Variants in STPG2 observed in about 807,000 individuals in gnomAD.
STPG2 encodes the protein sperm-tail PG-rich repeat-containing protein 2.
A neutral mutation model predicts 54.2 loss-of-function variants in STPG2; 56 were observed. The observed-to-expected ratio is 1.03, with a 90% CI of 0.83 to 1.29. The LOEUF is 1.29. STPG2 is among the 50% of genes most tolerant of loss of function. The pLI, the probability that STPG2 is intolerant of heterozygous loss-of-function variation, is 0.00. For missense variants in STPG2, 596 were observed against 544.9 expected, an observed-to-expected ratio of 1.09 and a Z score of -0.93; for synonymous variants, 200 against 181.8, an observed-to-expected ratio of 1.10 and a Z score of -0.81.
chr4:97,934,621 A>G (rs773424992), intron 8 of STPG2, among the ~76,000 whole-genome samples: 3 of 152,034 alleles, frequency 2.0e-5, no homozygotes, highest in Non-Finnish European at 4.4e-5. Context: ...AAATAATAAT[A>G]TAGTTTTTTC....
At chr4:97,822,723 G>C (rs372163466) in intron 9 of STPG2, among the ~76,000 whole-genome samples, 3 of 152,218 alleles carry the variant, frequency 2.0e-5, no homozygotes, top group South Asian at 2.1e-4. Context: ...GAGCAAGTAG[G>C]GGGTAAGGGT....
chr4:97,607,211 C>CTGCTACAGAATCCAA (rs1381440847), intron 10 of STPG2, among the ~76,000 whole-genome samples: 2 of 151,992 alleles, frequency 1.3e-5, no homozygotes, highest in African/African-American at 4.8e-5. Flanking sequence ...GCTGCTGCTG[C>CTGCTACAGAATCCAA]TGCTACAGAA....
At chr4:97,506,593 A>G (rs997032981) in intron 4 of STPG2, among the ~76,000 whole-genome samples, 1 of 152,034 alleles carries the variant, frequency 6.6e-6, no homozygotes, top group Non-Finnish European at 1.5e-5. Context: ...AATGACTATA[A>G]TAAATAATGA....
chr4:97,621,486 C>T (rs1191400317), intron 10 of STPG2, among the ~76,000 whole-genome samples: 1 of 152,024 alleles, frequency 6.6e-6, no homozygotes, highest in African/African-American at 2.4e-5. Flanking sequence ...AACGCTGAGA[C>T]ATTACTATTA....
intron 8 of STPG2, among the ~76,000 whole-genome samples, chr4:97,936,917 T>C (rs528550782): frequency 6.6e-6 from 1 of 152,316 alleles, no homozygotes; most frequent in South Asian, 2.1e-4. Context: ...AATTTAAAAG[T>C]TGGCCTGTCT....
chr4:97,909,762 C>T (rs1173036868), intron 8 of STPG2, among the ~76,000 whole-genome samples: 1 of 151,954 alleles, frequency 6.6e-6, no homozygotes, highest in Non-Finnish European at 1.5e-5. Context: ...TAATATAACA[C>T]TTGATAAACT....
intron 9 of STPG2, among the ~76,000 whole-genome samples, chr4:97,827,889 T>C (rs1728311347): frequency 6.6e-6 from 1 of 152,136 alleles, no homozygotes; most frequent in African/African-American, 2.4e-5. Flanking sequence ...AATGTCACTT[T>C]CTGACAGGCC....
At chr4:97,868,149 C>G (rs1460249258) in intron 8 of STPG2, among the ~76,000 whole-genome samples, 1 of 151,878 alleles carries the variant, frequency 6.6e-6, no homozygotes, top group African/African-American at 2.4e-5. Context: ...TTCATAGTGT[C>G]TTGCTTGCCT....
intron 9 of STPG2, among the ~76,000 whole-genome samples, chr4:97,838,070 TCAGA>T (rs928094488): frequency 3.3e-5 from 5 of 151,566 alleles, no homozygotes; most frequent in Non-Finnish European, 5.9e-5. Context: ...CCAAATTAAG[TCAGA>T]CAATGTTATA....
rs371993880 is a variant in STPG2 at position 97,840,883 on chromosome 4, G to T, written c.1094C>A (p.Ser365Tyr). 16 of 1,611,824 alleles carry T rather than the reference G, an allele frequency of 9.9e-6. No individual in the cohort carries two copies. Among genetic ancestry groups the T allele is most frequent in the South Asian group, 2.2e-5 (2 of 91,012 alleles). ...SYDVHKSYEMSQVKHKYMPPR... is the reference protein window; with the variant it reads ...SYDVHKSYEMYQVKHKYMPPR... ...TGGCATATATTTATGCTTAACTTGGGACATCTCATATGATTTGTGAACATC... is the reference window on the plus strand; with the variant it reads ...TGGCATATATTTATGCTTAACTTGGTACATCTCATATGATTTGTGAACATC... Residue 365 changes from serine to tyrosine, a missense_variant, in exon 9 of 11, where the codon TCC (serine) becomes TAC (tyrosine). Ser to Tyr is a moderately radical substitution (Grantham distance 144). Coordinates refer to ENST00000295268, the MANE Select transcript of STPG2 (RefSeq NM_174952.3).
chr4:97,942,829 C>T (rs774449675), intron 8 of STPG2, among the ~76,000 whole-genome samples: 5 of 152,076 alleles, frequency 3.3e-5, no homozygotes, highest in African/African-American at 1.2e-4. Flanking sequence ...ACATTTTAAA[C>T]CTTGTTTAAT....
intron 9 of STPG2, among the ~76,000 whole-genome samples, chr4:97,772,023 G>T (rs1341479442): frequency 6.6e-6 from 1 of 152,184 alleles, no homozygotes; most frequent in African/African-American, 2.4e-5. Context: ...CCATGCAGCA[G>T]CCAGAAACTG....
At chr4:98,017,032 G>A (rs1735971071) in intron 5 of STPG2, among the ~76,000 whole-genome samples, 1 of 152,182 alleles carries the variant, frequency 6.6e-6, no homozygotes. Context: ...GAGTCAGTGG[G>A]CAGGTAGGCC....
At position 97,846,336 on chromosome 4, in the gene STPG2, C is replaced by A. The variant is rs188737761; in HGVS notation, c.1045-5404G>T. Among the ~76,000 whole-genome samples the A allele has an allele frequency of 1.6e-4, 24 of 151,992 alleles. No individual in the cohort carries two copies. The East Asian group carries it at 4.3e-3, about 27-fold the overall frequency. ...AACTTCAGACTCTCAATCAAAAAAC[C>A]AGGAAGGCCACTGGGTGTGGTGGCT... On this transcript the variant is annotated intron_variant, in intron 8 of 10. Coordinates refer to ENST00000295268, the MANE Select transcript of STPG2 (RefSeq NM_174952.3).
At position 98,026,145 on chromosome 4, in the gene STPG2, C is replaced by A. The variant is rs573869547; in HGVS notation, c.613-44827G>T. The A allele has an allele frequency of 4.3e-5, 63 of 1,469,206 alleles. 1 individual carries two copies. In the South Asian group the frequency reaches 6.5e-4, roughly 15 times the overall value. The allele number at this position is 1,469,206 out of a possible 1,614,324, so 91.0% of individuals were successfully genotyped here. On this transcript the variant is annotated intron_variant, in intron 5 of 10. Transcript: ENST00000295268. ...GAGAATCCAGTCTATGAAAAGAAGC[C>A]CAAGAAAGAAGTTAAAAAGAGGTGG... is the stretch of plus-strand genomic sequence containing the variant.
chr4:97,841,555 C>T (rs977440925), intron 8 of STPG2, among the ~76,000 whole-genome samples: 4 of 151,798 alleles, frequency 2.6e-5, no homozygotes, highest in African/African-American at 9.7e-5. Context: ...AGCTAACTAT[C>T]TCAGTGAAAA....
intron 8 of STPG2, among the ~76,000 whole-genome samples, chr4:97,881,109 C>G (rs1730355434): frequency 1.3e-5 from 2 of 151,764 alleles, no homozygotes; most frequent in African/African-American, 4.8e-5. Context: ...AAAATGGGAT[C>G]TAGTCCCCTG....
intron 8 of STPG2, among the ~76,000 whole-genome samples, chr4:97,905,368 T>A (rs1174471909): frequency 6.6e-6 from 1 of 150,742 alleles, no homozygotes; most frequent in Non-Finnish European, 1.5e-5. Context: ...GCTTCATAAG[T>A]GAAGGAGAAA....
At chr4:97,942,492 T>A (rs1055431301) in intron 8 of STPG2, among the ~76,000 whole-genome samples, 2 of 109,902 alleles carry the variant, frequency 1.8e-5, no homozygotes, top group Non-Finnish European at 4.1e-5. Context: ...GATTTTAAAC[T>A]GTCTTTTGAA....
Sources: allele counts gnomAD v4.1 joint callset (sites outside exome capture counted in the v4.1 genomes callset), GRCh38; gene constraint gnomAD v4.1.1; transcripts MANE v1.5; gene names NCBI Gene and HGNC (gene_info 2026-07-23, HGNC 2026-07-21).